LTBP2: variants seen among roughly 807,000 people sequenced by gnomAD.
LTBP2 encodes the protein latent transforming growth factor beta binding protein 2.
A neutral mutation model predicts 210.6 loss-of-function variants in LTBP2; 103 were observed. The ratio of observed to expected loss-of-function variants is 0.49; its 90% CI spans 0.42 to 0.58. The LOEUF (loss-of-function observed/expected upper bound fraction) is 0.58. LTBP2 is among the 20% of genes least tolerant of loss of function. The probability of loss-of-function intolerance (pLI) is 0.00; values close to 1 mark genes in which losing one functional copy is unlikely to be tolerated. For missense variants in LTBP2, 2,313 were observed against 2,494.5 expected, an observed-to-expected ratio of 0.93 and a Z score of 1.55; for synonymous variants, 1,007 against 1,015.0, an observed-to-expected ratio of 0.99 and a Z score of 0.15.
chr14:74,573,530 C>T (rs1046367628), intron 3 of LTBP2, among the ~76,000 whole-genome samples: 53 of 152,240 alleles, frequency 3.5e-4, no homozygotes, highest in African/African-American at 1.3e-3. Context: ...GGCTGCATTC[C>T]TCCACCAGAG....
chr14:74,606,925 T>C (rs942354255), intron 1 of LTBP2, among the ~76,000 whole-genome samples: 10 of 152,180 alleles, frequency 6.6e-5, no homozygotes, highest in African/African-American at 2.4e-4. Flanking sequence ...GCATCTGCTG[T>C]GATCACTTAG....
rs944088009 is a variant in LTBP2 at position 74,516,904 on chromosome 14, C to G, written c.2826G>C (p.Gly942=). The change falls in exon 18 of 36, where the codon GGG becomes GGC. Residue 942 remains glycine (G), a synonymous_variant. Coordinates refer to ENST00000261978, the MANE Select transcript of LTBP2 (RefSeq NM_000428.3). ...NECEQPGVCS[G]GQCTNTEGSY... ...AGCCCTCGGTGTTGGTGCACTGCCC[C>G]CCGCTGCACACCCCTGGCTGCTCAC... 2 of 1,552,008 alleles carry G rather than the reference C, an allele frequency of 1.3e-6. No individual in the cohort carries two copies. Among genetic ancestry groups the G allele is most frequent in the African/African-American group, 2.7e-5 (2 of 73,160 alleles).
At position 74,552,397 on chromosome 14, in the gene LTBP2, C is replaced by G. The variant is rs745586782; in HGVS notation, c.1193-4G>C. The G allele has an allele frequency of 6.2e-7, 1 of 1,603,534 alleles. No individual in the cohort carries two copies. The highest frequency in any genetic ancestry group is 1.7e-5 in the Admixed American group (1 of 60,018). The stretch of plus-strand genomic sequence containing the variant: ...AGGCAGGGGATCTGGCAGAAATCTG[C>G]AACATCAACCCTCAAGGTAACCAGC... On this transcript the variant is annotated splice_region_variant and splice_polypyrimidine_tract_variant and intron_variant, in intron 5 of 35. Transcript: ENST00000261978.
intron 8 of LTBP2, among the ~76,000 whole-genome samples, chr14:74,539,382 C>T (rs952653146): frequency 1.3e-5 from 2 of 152,062 alleles, no homozygotes; most frequent in Non-Finnish European, 2.9e-5. Flanking sequence ...AGCCAGCAGG[C>T]CGGAAAGGTA....
chr14:74,547,570 C>G (rs753663034), intron 8 of LTBP2, among the ~76,000 whole-genome samples: 8 of 152,204 alleles, frequency 5.3e-5, no homozygotes, highest in Non-Finnish European at 1.5e-5. Context: ...CCAGAGGCAA[C>G]AGCGTGACAG....
intron 2 of LTBP2, among the ~76,000 whole-genome samples, chr14:74,593,025 G>A (rs534962934): frequency 1.3e-5 from 2 of 152,244 alleles, no homozygotes; most frequent in South Asian, 4.1e-4. Context: ...TCCGCTCTGT[G>A]GAGTCAGCAG....
At chr14:74,598,948 C>T (rs1048821604) in intron 2 of LTBP2, among the ~76,000 whole-genome samples, 6 of 152,170 alleles carry the variant, frequency 3.9e-5, no homozygotes, top group African/African-American at 9.7e-5. Flanking sequence ...AGGCATGACT[C>T]GGACAGACAG....
chr14:74,546,571 C>T (rs1041192941), intron 8 of LTBP2, among the ~76,000 whole-genome samples: 2 of 152,188 alleles, frequency 1.3e-5, no homozygotes, highest in Non-Finnish European at 2.9e-5. Flanking sequence ...AGGGTCTGTA[C>T]CCTGGTGCCC....
chr14:74,587,300 C>G (rs887332698), intron 2 of LTBP2, among the ~76,000 whole-genome samples: 4 of 152,006 alleles, frequency 2.6e-5, no homozygotes, highest in Admixed American at 1.3e-4. Context: ...GGGACAAAGT[C>G]CTTGTCCATC....
rs3742796 is a variant in LTBP2 at position 74,527,308 on chromosome 14, C to T, written c.2388+39G>A. 12,132 of 1,606,470 alleles carry T rather than the reference C, an allele frequency of 7.6e-3. 177 individuals carry two copies. The highest frequency in any genetic ancestry group is 0.05 in the East Asian group (2,228 of 44,616). ...AGCTGCTACCAGGTCCTGCTCTCTG[C>T]CATGCTTGCCCGGCCCCCTAGTGGG... is the stretch of plus-strand genomic sequence containing the variant. On this transcript the variant is annotated intron_variant, in intron 13 of 35. Coordinates refer to ENST00000261978, the MANE Select transcript of LTBP2 (RefSeq NM_000428.3).
intron 18 of LTBP2, among the ~76,000 whole-genome samples, chr14:74,513,948 G>A (rs1253666556): frequency 8.9e-4 from 136 of 152,224 alleles, no homozygotes; most frequent in Non-Finnish European, 1.8e-4. Flanking sequence ...ATTATCACAC[G>A]TGAATGGGAG....
At chr14:74,591,603 G>A (rs2088284811) in intron 2 of LTBP2, among the ~76,000 whole-genome samples, 1 of 152,248 alleles carries the variant, frequency 6.6e-6, no homozygotes. Context: ...GTCTCGGCAA[G>A]ATGCCTGGAA....
intron 8 of LTBP2, among the ~76,000 whole-genome samples, chr14:74,545,654 G>A (rs975462023): frequency 6.6e-5 from 10 of 152,236 alleles, no homozygotes; most frequent in Non-Finnish European, 1.5e-4. Context: ...CAACTTTCCA[G>A]TCAGCCCAGA....
chr14:74,570,802 G>C (rs2087965488), intron 3 of LTBP2, among the ~76,000 whole-genome samples: 1 of 152,112 alleles, frequency 6.6e-6, no homozygotes, highest in African/African-American at 2.4e-5. Context: ...GCCTCTGGGG[G>C]ATGAGATTCC....
intron 3 of LTBP2, among the ~76,000 whole-genome samples, chr14:74,558,615 C>G (rs1164403153): frequency 6.6e-6 from 1 of 152,030 alleles, no homozygotes; most frequent in African/African-American, 2.4e-5. Context: ...GAACTTGACC[C>G]TGACAAAGAG....
At chr14:74,512,531 A>G (rs1338158810) in intron 18 of LTBP2, among the ~76,000 whole-genome samples, 3 of 152,146 alleles carry the variant, frequency 2.0e-5, no homozygotes, top group Non-Finnish European at 4.4e-5. Context: ...GAGGACATGG[A>G]CCTTAAAGTG....
chr14:74,514,981 C>A (rs529747978), intron 18 of LTBP2, among the ~76,000 whole-genome samples: 14 of 152,120 alleles, frequency 9.2e-5, no homozygotes, highest in African/African-American at 3.4e-4. Context: ...TAGAACCTTT[C>A]CTTGGGAAGG....
At chr14:74,507,370 C>T in intron 25 of LTBP2, 60 bp from the exon 26 acceptor site, 1 of 1,610,466 alleles carries the variant, frequency 6.2e-7, no homozygotes, top group South Asian at 1.1e-5. Context: ...GCTGTGGTCC[C>T]ACAGGGTCAT....
intron 1 of LTBP2, among the ~76,000 whole-genome samples, chr14:74,609,710 T>C (rs1325555287): frequency 6.6e-6 from 1 of 152,130 alleles, no homozygotes; most frequent in Non-Finnish European, 1.5e-5. Flanking sequence ...TCCCCTCTAC[T>C]CAGCTCTTCA....
Sources: allele counts gnomAD v4.1 joint callset (sites outside exome capture counted in the v4.1 genomes callset), GRCh38; gene constraint gnomAD v4.1.1; transcripts MANE v1.5; gene names NCBI Gene and HGNC (gene_info 2026-07-23, HGNC 2026-07-21).